Variants in RBMS3 observed in about 807,000 individuals in gnomAD.
RBMS3 encodes the protein RNA binding motif single stranded interacting protein 3.
Under a neutral mutation model 66.8 loss-of-function variants are expected in RBMS3, and 27 were observed. The observed-to-expected ratio is 0.40, with a 90% CI of 0.30 to 0.56. The LOEUF is 0.56. Ranked by LOEUF, RBMS3 falls within the 20% of genes least tolerant of loss-of-function variation. The pLI is 0.40. For synonymous variants in RBMS3, 188 were observed against 183.0 expected (o/e 1.03, Z -0.22); for missense variants, 513 against 549.5 (o/e 0.93, Z 0.66).
chr3:29,926,088 T>G (rs1488889073), intron 10 of RBMS3, among the ~76,000 whole-genome samples: 1 of 152,170 alleles, frequency 6.6e-6, no homozygotes, highest in Non-Finnish European at 1.5e-5. Flanking sequence ...TGCTAATATA[T>G]AAGTTTTAAC....
intron 1 of RBMS3, among the ~76,000 whole-genome samples, chr3:29,309,009 G>T (rs964745676): frequency 2.8e-4 from 42 of 151,704 alleles, no homozygotes; most frequent in Admixed American, 2.4e-3. Flanking sequence ...AGACAAGTCA[G>T]AATTGAATTT....
intron 4 of RBMS3, among the ~76,000 whole-genome samples, chr3:29,653,054 A>G (rs943289138): frequency 6.6e-5 from 10 of 152,182 alleles, no homozygotes; most frequent in Non-Finnish European, 1.5e-5. Context: ...TATTGATGGG[A>G]AAGAGAAATT....
chr3:29,626,865 A>C (rs1001971722), intron 4 of RBMS3, among the ~76,000 whole-genome samples: 1 of 152,162 alleles, frequency 6.6e-6, no homozygotes, highest in African/African-American at 2.4e-5. Context: ...TCTGTGCCTC[A>C]GTTTCTTTAC....
At chr3:29,824,769 T>C (rs908500811) in intron 6 of RBMS3, among the ~76,000 whole-genome samples, 1 of 152,136 alleles carries the variant, frequency 6.6e-6, no homozygotes, top group East Asian at 1.9e-4. Context: ...TCAGAAACCA[T>C]ACAAGAAAAA....
At chr3:29,304,942 T>G (rs1047225774) in intron 1 of RBMS3, among the ~76,000 whole-genome samples, 1 of 151,974 alleles carries the variant, frequency 6.6e-6, no homozygotes, top group African/African-American at 2.4e-5. Flanking sequence ...ATATCCTCAG[T>G]GACTGCTTCT....
intron 4 of RBMS3, among the ~76,000 whole-genome samples, chr3:29,611,139 C>A (rs568886901): frequency 6.6e-6 from 1 of 152,068 alleles, no homozygotes; most frequent in Non-Finnish European, 1.5e-5. Context: ...TTTCTGAAAA[C>A]CCAAATGCAG....
At chr3:29,930,236 G>A (rs1453138684) in intron 10 of RBMS3, among the ~76,000 whole-genome samples, 1 of 147,670 alleles carries the variant, frequency 6.8e-6, no homozygotes, top group Non-Finnish European at 1.5e-5. Context: ...CTCAGCCTCC[G>A]AAGTAGCTGG....
At chr3:29,973,861 T>C (rs1697383811) in intron 12 of RBMS3, among the ~76,000 whole-genome samples, 1 of 151,962 alleles carries the variant, frequency 6.6e-6, no homozygotes, top group Non-Finnish European at 1.5e-5. Context: ...CTGCTAAGCC[T>C]GCTTTTCTGT....
intron 4 of RBMS3, among the ~76,000 whole-genome samples, chr3:29,612,156 T>C (rs376428191): frequency 6.6e-6 from 1 of 152,092 alleles, no homozygotes; most frequent in Non-Finnish European, 1.5e-5. Flanking sequence ...AGTTAACTAT[T>C]GATTGTTATT....
At chr3:29,494,087 T>C (rs187522689) in intron 3 of RBMS3, among the ~76,000 whole-genome samples, 42 of 152,240 alleles carry the variant, frequency 2.8e-4, no homozygotes, top group African/African-American at 9.4e-4. Context: ...ATTCAATTCT[T>C]CATTAGCTGT....
intron 6 of RBMS3, among the ~76,000 whole-genome samples, chr3:29,784,636 C>A (rs960229734): frequency 6.6e-6 from 1 of 151,904 alleles, no homozygotes; most frequent in Non-Finnish European, 1.5e-5. Context: ...ACTGGAGAAA[C>A]AATAACGATT....
intron 6 of RBMS3, among the ~76,000 whole-genome samples, chr3:29,771,346 CT>C (rs1162165485): frequency 6.6e-6 from 1 of 152,000 alleles, no homozygotes; most frequent in African/African-American, 2.4e-5. Context: ...AATTCAAACC[CT>C]TTGAAAACAA....
intron 10 of RBMS3, among the ~76,000 whole-genome samples, chr3:29,915,917 G>T (rs1577136281): frequency 2.6e-5 from 4 of 152,104 alleles, no homozygotes; most frequent in Admixed American, 2.6e-4. Context: ...AGATGGACTA[G>T]GATATGTTCC....
At chr3:29,670,976 T>A (rs1244735118) in intron 4 of RBMS3, among the ~76,000 whole-genome samples, 1 of 152,190 alleles carries the variant, frequency 6.6e-6, no homozygotes, top group Non-Finnish European at 1.5e-5. Flanking sequence ...GACCCCCAAG[T>A]AGCCTAACTG....
intron 3 of RBMS3, among the ~76,000 whole-genome samples, chr3:29,525,469 G>C (rs1382007418): frequency 6.6e-6 from 1 of 152,180 alleles, no homozygotes; most frequent in Non-Finnish European, 1.5e-5. Context: ...CCTCCATCAA[G>C]CTGTTTGCAC....
At chr3:29,987,095 C>G (rs1157908204) in intron 12 of RBMS3, among the ~76,000 whole-genome samples, 3 of 152,122 alleles carry the variant, frequency 2.0e-5, no homozygotes, top group Admixed American at 1.3e-4. Flanking sequence ...GATACATGAA[C>G]TTAGTATTTG....
At chr3:29,502,390 A>T (rs1436344675) in intron 3 of RBMS3, among the ~76,000 whole-genome samples, 3 of 152,084 alleles carry the variant, frequency 2.0e-5, no homozygotes, top group Non-Finnish European at 4.4e-5. Flanking sequence ...TCTCCCATAA[A>T]ATAATCCCAA....
chr3:29,946,563 T>C (rs1695328335), intron 12 of RBMS3, among the ~76,000 whole-genome samples: 1 of 151,668 alleles, frequency 6.6e-6, no homozygotes, highest in South Asian at 2.1e-4. Context: ...CATTATAACA[T>C]TAATAGCAAC....
At chr3:29,733,172 T>G (rs892039804) in intron 4 of RBMS3, among the ~76,000 whole-genome samples, 1 of 152,142 alleles carries the variant, frequency 6.6e-6, no homozygotes, top group Non-Finnish European at 1.5e-5. Context: ...GCATGCTTGC[T>G]TTAGAGTTGT....
Sources: gnomAD v4.1 joint callset for allele counts (sites outside exome capture counted in the v4.1 genomes callset) on GRCh38, gnomAD v4.1.1 for gene constraint, MANE v1.5 for transcripts, NCBI Gene and HGNC (gene_info 2026-07-23, HGNC 2026-07-21) for gene names.